The following KIF3C variants were observed in gnomAD, a reference collection of about 807,000 sequenced individuals.
KIF3C encodes the protein kinesin family member 3C, also known as kinesin-like protein KIF3C.
A neutral mutation model predicts 67.7 loss-of-function variants in KIF3C; 12 were observed. The observed-to-expected ratio is 0.18, with a 90% confidence interval of 0.11 to 0.29. The LOEUF is 0.29. Among genes scored for constraint, KIF3C ranks in the 10% least tolerant of loss-of-function variants. The pLI is 1.00. For missense variants in KIF3C, 789 were observed against 1,059.6 expected, an observed-to-expected ratio of 0.74 and a Z score of 3.55; for synonymous variants, 393 against 426.2, an observed-to-expected ratio of 0.92 and a Z score of 0.96.
intron 1 of KIF3C, among the ~76,000 whole-genome samples, chr2:25,962,185 A>G (rs1015116466): frequency 1.3e-5 from 2 of 152,222 alleles, no homozygotes; most frequent in Admixed American, 1.3e-4. Flanking sequence ...TGTTACTTCA[A>G]GAGTTAACCC....
chr2:25,946,767 T>C (rs1663450158), intron 5 of KIF3C, among the ~76,000 whole-genome samples: 1 of 151,780 alleles, frequency 6.6e-6, no homozygotes, highest in Admixed American at 6.6e-5. Flanking sequence ...AGCTAGAGAA[T>C]TACATGAGTC....
intron 4 of KIF3C, among the ~76,000 whole-genome samples, chr2:25,952,543 GTGTGTGTA>G (rs1190976891): frequency 4.4e-4 from 51 of 116,306 alleles, no homozygotes; most frequent in African/African-American, 2.0e-3. Context: ...GTGTGTGTGT[GTGTGTGTA>G]TATATATATA....
At chr2:25,974,928 A>C (rs1664372981) in intron 1 of KIF3C, among the ~76,000 whole-genome samples, 1 of 151,128 alleles carries the variant, frequency 6.6e-6, no homozygotes, top group South Asian at 2.1e-4. Context: ...CGGGAGGCTG[A>C]GGAAGGAGAA....
rs114618908 is a variant in KIF3C, at chr2:25,959,316, C to T, written c.1546-2872G>A. Among the ~76,000 whole-genome samples the T allele has an allele frequency of 5.9e-3, 898 of 152,294 alleles. 7 individuals carry two copies. The highest frequency in any genetic ancestry group is 9.2e-3 in the Non-Finnish European group (623 of 68,026). ...AATTATTCATTTACATGCTGTCCCCCCTGTGAGCTCCCTCATGGCAGCAGT... is the reference window on the plus strand; with the variant it reads ...AATTATTCATTTACATGCTGTCCCCTCTGTGAGCTCCCTCATGGCAGCAGT... On this transcript the variant is annotated intron_variant, in intron 1 of 7. Transcript: ENST00000264712.
At chr2:25,969,701 T>G (rs1664230199) in intron 1 of KIF3C, among the ~76,000 whole-genome samples, 1 of 150,770 alleles carries the variant, frequency 6.6e-6, no homozygotes, top group African/African-American at 2.5e-5. Context: ...CCATGGTTAC[T>G]TAAAAAGATT....
intron 7 of KIF3C, 75 bp from the exon 8 acceptor site, chr2:25,929,146 G>A (rs2090436730): frequency 1.3e-5 from 18 of 1,435,688 alleles, no homozygotes; most frequent in Non-Finnish European, 1.7e-5. Flanking sequence ...CCTCTCCTTT[G>A]CCCCATCCTG....
At position 25,981,663 on chromosome 2, in the gene KIF3C, C is replaced by T. The variant is rs139964109; in HGVS notation, c.255G>A (p.Val85=). 1.9e-6 allele frequency: 3 copies of T among 1,614,026 alleles called. No homozygotes were observed. In the African/African-American group the frequency reaches 4.0e-5, roughly 22 times the overall value. Residue 85 remains valine (V), a synonymous_variant, in exon 1 of 8, where the codon GTG becomes GTA. Coordinates refer to ENST00000264712, the MANE Select transcript of KIF3C (RefSeq NM_002254.8). This position sits in a 1 kb window ranked among gnomAD's most constrained non-coding sequence, Gnocchi z 8.2. The part of the protein sequence containing the change: ...DETVRPLIDS[V]LQGFNGTVFA... ...ACACCGTGCCATTGAAACCCTGGAG[C>T]ACGGAGTCTATCAGGGGCCTCACGG...
At chr2:25,929,861 C>G in intron 6 of KIF3C, 94 bp downstream of exon 6, 2 of 850,554 alleles carry the variant, frequency 2.4e-6, no homozygotes, top group Non-Finnish European at 3.9e-6. Flanking sequence ...GGTGATCCAC[C>G]TGCCTCGGCC....
chr2:25,971,149 G>A (rs994335769), intron 1 of KIF3C, among the ~76,000 whole-genome samples: 19 of 151,778 alleles, frequency 1.3e-4, no homozygotes, highest in Admixed American at 8.5e-4. Flanking sequence ...GCGGGTGCCT[G>A]TAGTCCCAGC....
Position 25,981,928 on chromosome 2 carries a change from T to C in KIF3C, c.-11A>G. The C allele has an allele frequency of 6.6e-7, 1 of 1,525,124 alleles. No homozygotes were observed. The highest frequency in any genetic ancestry group is 1.3e-5 in the South Asian group (1 of 79,632). The allele number at this position is 1,525,124 out of a possible 1,614,324, so 94.5% of individuals were successfully genotyped here. On this transcript the variant is annotated 5_prime_UTR_variant, in exon 1 of 8. Coordinates refer to ENST00000264712, the MANE Select transcript of KIF3C (RefSeq NM_002254.8). This position sits in a 1 kb window ranked among gnomAD's most constrained non-coding sequence, Gnocchi z 8.2. ...GGTCTTACTGGCCATCTTGCTGCTC[T>C]GACCTTCCTGCCCCCGAGCCCCTCC...
intron 1 of KIF3C, among the ~76,000 whole-genome samples, chr2:25,963,040 TA>T (rs1329418719): frequency 1.8e-5 from 1 of 55,402 alleles, no homozygotes; most frequent in Non-Finnish European, 2.9e-5. Flanking sequence ...ATATAATATA[TA>T]ATATATAAAT....
intron 5 of KIF3C, among the ~76,000 whole-genome samples, chr2:25,941,046 G>A (rs1002643311): frequency 2.0e-5 from 3 of 152,056 alleles, no homozygotes; most frequent in East Asian, 1.9e-4. Context: ...AGTGGCTTAC[G>A]CTTGTAACCC....
At chr2:25,969,936 G>A (rs1664237122) in intron 1 of KIF3C, among the ~76,000 whole-genome samples, 1 of 152,196 alleles carries the variant, frequency 6.6e-6, no homozygotes, top group South Asian at 2.1e-4. Context: ...AGATAGTCGT[G>A]AATGCCTGGC....
chr2:25,937,181 G>A (rs1226780276), intron 5 of KIF3C, among the ~76,000 whole-genome samples: 1 of 152,220 alleles, frequency 6.6e-6, no homozygotes, highest in African/African-American at 2.4e-5. Context: ...GTCAAAAGGC[G>A]ACAGTTGGAA....
At chr2:25,931,998 G>GTTTTTTTTTTTT (rs768781708) in intron 5 of KIF3C, among the ~76,000 whole-genome samples, 1 of 113,078 alleles carries the variant, frequency 8.8e-6, no homozygotes, top group Non-Finnish European at 1.8e-5. Flanking sequence ...TGTTTCTTCT[G>GTTTTTTTTTTTT]TTTTGTTTTT....
At position 25,981,330 on chromosome 2, in the gene KIF3C, G is replaced by A. The variant is rs761065592; in HGVS notation, c.588C>T (p.Asn196=). 4 of 1,614,196 alleles carry A rather than the reference G, an allele frequency of 2.5e-6. No individual in the cohort carries two copies. Among genetic ancestry groups the A allele is most frequent in the Non-Finnish European group, 3.4e-6 (4 of 1,180,030 alleles). ...CCACAGCCCGGGTCTGGTTCCCCAG[G>A]TTCATCACATGCTCAATCTCCTTGA... ...KNVKEIEHVM[N]LGNQTRAVGS... The change falls in exon 1 of 8, where the codon AAC becomes AAT. Residue 196 remains asparagine, a synonymous_variant. Transcript: ENST00000264712. This position sits in a 1 kb window ranked among gnomAD's most constrained non-coding sequence, Gnocchi z 8.2.
At position 25,982,282 on chromosome 2, in the gene KIF3C, G is replaced by A; in HGVS notation, c.-365C>T. On this transcript the variant is annotated 5_prime_UTR_variant, in exon 1 of 8. Coordinates refer to ENST00000264712, the MANE Select transcript of KIF3C (RefSeq NM_002254.8). ...ATAAAGGAAGAGGAAAATGGGATGG[G>A]GGTGGGCGGCGAGCTGTCTTCTCCT... The A allele has an allele frequency of 2.5e-6, 1 of 403,712 alleles. No individual in the cohort carries two copies. Among genetic ancestry groups the A allele is most frequent in the Admixed American group, 4.3e-5 (1 of 23,078 alleles). The allele number at this position is 403,712 out of a possible 1,614,324, so 25.0% of individuals were successfully genotyped here. A position where few individuals can be genotyped will look rare whatever the true frequency, so the allele number is the denominator to read the frequency against.
intron 5 of KIF3C, among the ~76,000 whole-genome samples, chr2:25,948,521 CAG>C (rs1260328973): frequency 6.7e-6 from 1 of 149,462 alleles, no homozygotes; most frequent in Non-Finnish European, 1.5e-5. Context: ...GCCTGGGTGA[CAG>C]AGTGAGACTC....
At chr2:25,962,443 G>A (rs1203432787) in intron 1 of KIF3C, among the ~76,000 whole-genome samples, 2 of 151,576 alleles carry the variant, frequency 1.3e-5, no homozygotes, top group Admixed American at 1.3e-4. Context: ...GCAATGGCAC[G>A]ATCTCGGCTC....
Sources: gnomAD v4.1 joint callset for allele counts (sites outside exome capture counted in the v4.1 genomes callset) on GRCh38, gnomAD v4.1.1 for gene constraint, Gnocchi (gnomAD v3.1) non-coding constraint, MANE v1.5 for transcripts, NCBI Gene and HGNC (gene_info 2026-07-23, HGNC 2026-07-21) for gene names.